Variants in DOCK5 observed in about 807,000 individuals in gnomAD.
DOCK5 encodes the protein dedicator of cytokinesis 5.
Under a neutral mutation model 251.8 loss-of-function variants are expected in DOCK5, and 142 were observed. That is an observed-to-expected ratio of 0.56 (90% confidence interval 0.49 to 0.65). The LOEUF is 0.65. Among genes scored for constraint, DOCK5 ranks in the 30% least tolerant of loss-of-function variants. DOCK5 has a pLI of 0.00. For synonymous variants in DOCK5, 842 were observed against 835.5 expected (o/e 1.01, Z -0.13); for missense variants, 2,111 against 2,312.3 (o/e 0.91, Z 1.79).
chr8:25,339,991 C>G (rs886551667), intron 22 of DOCK5, among the ~76,000 whole-genome samples: 1 of 152,086 alleles, frequency 6.6e-6, no homozygotes, highest in African/African-American at 2.4e-5. Context: ...TGGACTGATT[C>G]GAGCTCGTAG....
chr8:25,327,592 C>T (rs555745956), intron 18 of DOCK5, among the ~76,000 whole-genome samples: 53 of 152,248 alleles, frequency 3.5e-4, no homozygotes, highest in African/African-American at 9.9e-4. Context: ...CCTGACAACC[C>T]GCAGTTCTCA....
chr8:25,345,379 G>A, intron 25 of DOCK5, 96 bp from the exon 26 acceptor site: 1 of 1,537,710 alleles, frequency 6.5e-7, no homozygotes, highest in Non-Finnish European at 8.8e-7. Context: ...AGAGCTTAGA[G>A]CTACTGGTAC....
chr8:25,273,928 C>T (rs941534767), intron 3 of DOCK5, among the ~76,000 whole-genome samples: 3 of 152,160 alleles, frequency 2.0e-5, no homozygotes, highest in African/African-American at 7.2e-5. Context: ...TTAGAATTCA[C>T]ACTCATATTC....
intron 35 of DOCK5, 101 bp downstream of exon 35, chr8:25,372,819 G>A (rs993501946): frequency 2.5e-6 from 3 of 1,211,322 alleles, no homozygotes; most frequent in Non-Finnish European, 3.4e-6. Context: ...GAGGCGCCCT[G>A]AGGCACCTTT....
chr8:25,363,360 G>A (rs73218159), intron 29 of DOCK5, among the ~76,000 whole-genome samples: 21,952 of 152,110 alleles, frequency 0.14, 2,140 homozygotes, highest in South Asian at 0.29. Context: ...CTTCTCTAGC[G>A]TCGTCTCTTC....
At chr8:25,333,271 G>C (rs1805725940) in intron 20 of DOCK5, among the ~76,000 whole-genome samples, 1 of 152,246 alleles carries the variant, frequency 6.6e-6, no homozygotes, top group African/African-American at 2.4e-5. Flanking sequence ...TTGGTGGGGT[G>C]AAATTTCAGG....
At chr8:25,218,709 C>T (rs185806503) in intron 1 of DOCK5, among the ~76,000 whole-genome samples, 36 of 152,244 alleles carry the variant, frequency 2.4e-4, no homozygotes, top group Non-Finnish European at 4.3e-4. Flanking sequence ...AAACACTAAC[C>T]GATTTGTCAC....
chr8:25,222,162 T>C (rs1162694831), intron 1 of DOCK5, among the ~76,000 whole-genome samples: 1 of 152,192 alleles, frequency 6.6e-6, no homozygotes, highest in East Asian at 1.9e-4. Context: ...TGTTATTAGA[T>C]AGAACAATGC....
intron 48 of DOCK5, among the ~76,000 whole-genome samples, chr8:25,407,596 G>T (rs1440822065): frequency 1.3e-5 from 2 of 152,126 alleles, no homozygotes; most frequent in Admixed American, 6.6e-5. Context: ...AGGAGGCCGG[G>T]CATGGTGGCT....
chr8:25,303,792 T>C (rs1804828310), intron 10 of DOCK5, among the ~76,000 whole-genome samples: 1 of 152,022 alleles, frequency 6.6e-6, no homozygotes, highest in African/African-American at 2.4e-5. Context: ...TGAAACTCTG[T>C]CTATACTAAA....
intron 2 of DOCK5, among the ~76,000 whole-genome samples, chr8:25,254,268 T>C (rs1349275483): frequency 2.0e-5 from 3 of 152,138 alleles, no homozygotes; most frequent in Non-Finnish European, 4.4e-5. Flanking sequence ...ATGTAAAATA[T>C]AAAGGTGTAA....
chr8:25,385,589 A>C (rs566081294), intron 40 of DOCK5, among the ~76,000 whole-genome samples: 54 of 152,294 alleles, frequency 3.5e-4, no homozygotes, highest in African/African-American at 1.3e-3. Flanking sequence ...CCTTGAGTAA[A>C]TATTTATTAA....
chr8:25,410,710 AC>A (rs1038105639), intron 51 of DOCK5, among the ~76,000 whole-genome samples: 10 of 125,996 alleles, frequency 7.9e-5, no homozygotes, highest in East Asian at 6.7e-4. Flanking sequence ...GATCCCCCCC[AC>A]CCACCTCAGC....
intron 27 of DOCK5, among the ~76,000 whole-genome samples, chr8:25,353,588 G>T (rs1800510666): frequency 6.6e-6 from 1 of 151,788 alleles, no homozygotes; most frequent in South Asian, 2.1e-4. Context: ...TTTACCAACA[G>T]AAAGAGGGAA....
At chr8:25,184,994 C>T in intron 1 of DOCK5, 43 bp downstream of exon 1, 1 of 1,324,370 alleles carries the variant, frequency 7.6e-7, no homozygotes, top group South Asian at 2.3e-5. Context: ...CCCACGCGGC[C>T]AAGTTCGCGG....
intron 2 of DOCK5, among the ~76,000 whole-genome samples, chr8:25,245,627 C>T (rs1187372929): frequency 6.6e-6 from 1 of 151,490 alleles, no homozygotes; most frequent in Admixed American, 6.6e-5. Context: ...GCAACCTCCA[C>T]GTCCTGGGTT....
chr8:25,247,190 C>T (rs967381125), intron 2 of DOCK5, among the ~76,000 whole-genome samples: 30 of 152,182 alleles, frequency 2.0e-4, no homozygotes, highest in Non-Finnish European at 1.0e-4. Flanking sequence ...GCACCTGGCC[C>T]AGGTGATACC....
chr8:25,332,787 CATA>C, intron 20 of DOCK5, 95 bp downstream of exon 20: 1 of 923,366 alleles, frequency 1.1e-6, no homozygotes. Flanking sequence ...TATCTTCTCA[CATA>C]AATATTTGTT....
chr8:25,314,663 C>G (rs1321307148), intron 13 of DOCK5, among the ~76,000 whole-genome samples: 1 of 86,436 alleles, frequency 1.2e-5, no homozygotes, highest in Non-Finnish European at 2.3e-5. Context: ...ACCTATCCAA[C>G]CTCTATCCAT....
Sources: gnomAD v4.1 joint callset for allele counts (sites outside exome capture counted in the v4.1 genomes callset) on GRCh38, gnomAD v4.1.1 for gene constraint, MANE v1.5 for transcripts, NCBI Gene and HGNC (gene_info 2026-07-23, HGNC 2026-07-21) for gene names.